The following NOS3 variants were observed in gnomAD, a reference collection of about 807,000 sequenced individuals.
NOS3 encodes nitric oxide synthase 3.
In NOS3, 98 loss-of-function variants were observed where a neutral mutation model predicts 144.9. The observed-to-expected ratio is 0.68, with a 90% CI of 0.57 to 0.80. The LOEUF is 0.80. Ranked by LOEUF, NOS3 falls within the 30% of genes least tolerant of loss-of-function variation. The pLI, the probability that NOS3 is intolerant of heterozygous loss-of-function variation, is 0.00. For missense variants in NOS3, 1,465 were observed against 1,656.4 expected, an observed-to-expected ratio of 0.88 and a Z score of 2.01; for synonymous variants, 714 against 702.4, an observed-to-expected ratio of 1.02 and a Z score of -0.26.
rs145823011 is a variant in NOS3 at position 151,014,104 on chromosome 7, C to A, written c.3547C>A (p.Arg1183Ser). The change falls in exon 27 of 27, where the codon CGT (arginine) becomes AGT (serine). Residue 1183 changes from arginine (R) to serine (S), a missense_variant. Transcript: ENST00000297494. Reference protein sequence around the residue: ...IRTQSFSLQERQLRGAVPWAF... With the variant: ...IRTQSFSLQESQLRGAVPWAF... ...CACCCAGAGCTTTTCCTTGCAGGAG[C>A]GTCAGTTGCGGGGCGCAGTGCCCTG... 1.2e-6 allele frequency: 2 copies of A among 1,613,642 alleles called. No individual in the cohort carries two copies. The highest frequency in any genetic ancestry group is 1.1e-5 in the South Asian group (1 of 91,072).
rs901650506 is a variant in NOS3, at chr7:151,002,200, G to T, written c.1648G>T (p.Val550Phe). The change falls in exon 14 of 27, where the codon GTC becomes TTC. Residue 550 changes from valine to phenylalanine, a missense_variant and splice_region_variant. By Grantham distance (50) the Val-to-Phe change is conservative. Transcript: ENST00000297494. This position sits in a 1 kb window ranked among gnomAD's most constrained non-coding sequence, Gnocchi z 4.1. ...RLFRKAFDPR[V>F]LCMDEYDVVS... Reference sequence around the variant, plus strand: ...AGGACATCTGTCTTCCCACCCACAGGTCCTGTGTATGGATGAGTATGACGT... The same window carrying T: ...AGGACATCTGTCTTCCCACCCACAGTTCCTGTGTATGGATGAGTATGACGT... The T allele has an allele frequency of 3.8e-6, 6 of 1,587,468 alleles. No individual in the cohort carries two copies. In the Admixed American group the frequency reaches 7.1e-5, roughly 19 times the overall value.
Position 150,998,709 on chromosome 7 carries a change from G to T in NOS3, c.816+29G>T. On this transcript the variant is annotated intron_variant, in intron 7 of 26. Transcript: ENST00000297494. The surrounding 1 kb of genome is among the most constrained non-coding windows in gnomAD (Gnocchi z 5.0). ...GGCACCGAGGGCCACCCATGAGGGTGTCCCCAAGGTGGAGAATGAGGAAAC... is the reference window on the plus strand; with the variant it reads ...GGCACCGAGGGCCACCCATGAGGGTTTCCCCAAGGTGGAGAATGAGGAAAC... The T allele has an allele frequency of 6.3e-7, 1 of 1,586,448 alleles. No homozygotes were observed.
At chr7:151,000,337 G>A (rs965283705) in intron 9 of NOS3, among the ~76,000 whole-genome samples, 161 bp from the exon 10 acceptor site, 6 of 152,030 alleles carry the variant, frequency 3.9e-5, no homozygotes, top group South Asian at 2.1e-4. Flanking sequence ...AGGTGCCTTC[G>A]CAGGCAAAAA....
intron 24 of NOS3, 139 bp from the exon 25 acceptor site, chr7:151,013,092 T>TA: frequency 1.1e-6 from 1 of 909,718 alleles, no homozygotes; most frequent in South Asian, 1.6e-5. Flanking sequence ...TACACTCTCT[T>TA]AGAGATGAAA....
intron 23 of NOS3, 113 bp downstream of exon 23, chr7:151,011,099 T>C (rs1563232143): frequency 2.8e-6 from 2 of 718,290 alleles, no homozygotes; most frequent in Non-Finnish European, 4.9e-6. Context: ...CTCTGTAACA[T>C]GTCAAGGGTG....
Position 150,999,223 on chromosome 7 carries a change from GT to G in NOS3, c.991del (p.Tyr331ThrfsTer28). 1.9e-6 allele frequency: 3 copies of G among 1,611,358 alleles called. No homozygotes were observed. Among genetic ancestry groups the G allele is most frequent in the Non-Finnish European group, 2.5e-6 (3 of 1,179,432 alleles). ...GGTTTGCAGCCCTGGGCCTGCGCTGGTACGCCCTCCCGGCAGTGTCCAACAT... is the reference window on the plus strand; with the variant it reads ...GGTTTGCAGCCCTGGGCCTGCGCTGGACGCCCTCCCGGCAGTGTCCAACAT... ...EWFAALGLRW[Y>X]ALPAVSNMLL... On this transcript the variant is annotated frameshift_variant, in exon 9 of 27. Coordinates refer to ENST00000297494, the MANE Select transcript of NOS3 (RefSeq NM_000603.5). LOFTEE classifies it high-confidence loss of function.
In NOS3 at chr7:151,002,420, A is replaced by T; in HGVS notation, c.1752+116A>T. 1 of 532,552 alleles carries T rather than the reference A, an allele frequency of 1.9e-6. No individual in the cohort carries two copies. Among genetic ancestry groups the T allele is most frequent in the Non-Finnish European group, 3.4e-6 (1 of 294,834 alleles). 33.0% of individuals were successfully genotyped at this position (532,552 alleles called of 1,614,324 possible). On this transcript the variant is annotated intron_variant, in intron 14 of 26. Transcript: ENST00000297494. This position sits in a 1 kb window ranked among gnomAD's most constrained non-coding sequence, Gnocchi z 4.1. ...CACACACACACACACACACACACAC[A>T]CACACACACACACACACACACACAC...
Position 151,013,862 on chromosome 7 carries a change from GC to G in NOS3, c.3395del (p.Ala1132GlyfsTer38). 1 of 1,602,948 alleles carries G rather than the reference GC, an allele frequency of 6.2e-7. No individual in the cohort carries two copies. The highest frequency in any genetic ancestry group is 8.5e-7 in the Non-Finnish European group (1 of 1,175,312). On this transcript the variant is annotated frameshift_variant, in exon 26 of 27. Coordinates refer to ENST00000297494, the MANE Select transcript of NOS3 (RefSeq NM_000603.5). LOFTEE classifies it high-confidence loss of function. ...NVLQTVQRIL[A>X]TEGDMELDEA... ...CCTGCAGACCGTGCAGCGCATCCTG[GC>G]GACGGAGGGCGACATGGAGCTGGAC...
chr7:151,012,208 G>GTTGTTTT, intron 23 of NOS3, 143 bp from the exon 24 acceptor site: 3 of 658,374 alleles, frequency 4.6e-6, no homozygotes, highest in South Asian at 2.4e-5. Flanking sequence ...AGCAAGTAGA[G>GTTGTTTT]TTGTTTTTTG....
rs1257489292 is a variant in NOS3, at chr7:151,009,023, C to T, written c.2206C>T (p.Arg736Trp). The stretch of plus-strand genomic sequence containing the variant: ...ACGGAGCTGGAAGCGCCAGAGGTAC[C>T]GGCTGAGCGCCCAGGCCGAGGGCCT... ...PKRSWKRQRY[R>W]LSAQAEGLQL... Residue 736 changes from arginine (R) to tryptophan (W), a missense_variant, in exon 18 of 27, where the codon CGG (arginine) becomes TGG (tryptophan). Physicochemically the swap from Arg to Trp is moderately radical, Grantham distance 101. Around this residue, in one of 5 missense-constraint regions of NOS3, gnomAD observed 745 missense variants for 853.9 expected, o/e 0.87. Transcript: ENST00000297494. The T allele has an allele frequency of 1.2e-6, 2 of 1,612,338 alleles. No homozygotes were observed. The highest frequency in any genetic ancestry group is 1.1e-5 in the South Asian group (1 of 90,880).
At chr7:151,007,410 A>G (rs1795222897) in intron 17 of NOS3, 134 bp downstream of exon 17, 1 of 1,025,718 alleles carries the variant, frequency 9.7e-7, no homozygotes, top group South Asian at 1.7e-5. Context: ...TCTCCATGGC[A>G]TAGCCAGCTC....
At chr7:151,001,115 G>A (rs1337532198) in intron 10 of NOS3, 116 bp from the exon 11 acceptor site, 1 of 981,330 alleles carries the variant, frequency 1.0e-6, no homozygotes, top group Non-Finnish European at 1.6e-6. Context: ...CACAGGGTGT[G>A]TTAGATATGG....
At chr7:151,007,317 G>T in intron 17 of NOS3, 41 bp downstream of exon 17, 2 of 1,546,908 alleles carry the variant, frequency 1.3e-6, no homozygotes, top group Middle Eastern at 1.9e-4. Flanking sequence ...CTGCCCCCTG[G>T]GATGCCTCCT....
At chr7:151,009,840 C>T (rs1795267388) in intron 20 of NOS3, among the ~76,000 whole-genome samples, 1 of 152,226 alleles carries the variant, frequency 6.6e-6, no homozygotes, top group Non-Finnish European at 1.5e-5. Flanking sequence ...GCTCCCCTAG[C>T]AATCTAGCTT....
intron 25 of NOS3, 28 bp downstream of exon 25, chr7:151,013,407 A>T: frequency 6.3e-7 from 1 of 1,596,916 alleles, no homozygotes. Flanking sequence ...CGCAATGGTA[A>T]CCTGAAGATA....
intron 15 of NOS3, 135 bp downstream of exon 15, chr7:151,006,629 T>G (rs1270277750): frequency 1.3e-6 from 1 of 786,800 alleles, no homozygotes; most frequent in Non-Finnish European, 2.1e-6. Flanking sequence ...CAGGATGCCC[T>G]CCATTCCAGG....
Position 151,001,314 on chromosome 7 carries a change from G to A in NOS3, c.1317G>A (p.Gly439=). 3 of 1,613,738 alleles carry A rather than the reference G, an allele frequency of 1.9e-6. No homozygotes were observed. Among genetic ancestry groups the A allele is most frequent in the Non-Finnish European group, 2.5e-6 (3 of 1,179,922 alleles). The change falls in exon 11 of 27, where the codon GGG becomes GGA. Residue 439 remains glycine, a synonymous_variant. Transcript: ENST00000297494. ...TGGAGAATGAGCAGAAGGCCAGGGGGGGCTGCCCTGCAGACTGGGCCTGGA... is the reference window on the plus strand; with the variant it reads ...TGGAGAATGAGCAGAAGGCCAGGGGAGGCTGCCCTGCAGACTGGGCCTGGA... ...KHLENEQKAR[G]GCPADWAWIV...
In NOS3 at chr7:151,013,052, G is replaced by A. The variant is rs1795341384; in HGVS notation, c.3107-179G>A. ...GCGCTTCCCTTCCCTCTGTAAATCAGGGCTGTGCAGGGTCTCTGTGAAAGC... is the reference window on the plus strand; with the variant it reads ...GCGCTTCCCTTCCCTCTGTAAATCAAGGCTGTGCAGGGTCTCTGTGAAAGC... On this transcript the variant is annotated intron_variant, in intron 24 of 26. Transcript: ENST00000297494. The A allele has an allele frequency of 7.6e-6, 5 of 660,484 alleles. No homozygotes were observed. The South Asian group carries it at 1.0e-4, about 13-fold the overall frequency. The allele number at this position is 660,484 out of a possible 1,614,324, so 40.9% of individuals were successfully genotyped here.
At chr7:151,005,442 A>G (rs1795192855) in intron 14 of NOS3, among the ~76,000 whole-genome samples, 1 of 152,092 alleles carries the variant, frequency 6.6e-6, no homozygotes, top group Admixed American at 6.5e-5. Context: ...GAGGAGGGCA[A>G]CCTGCACAAT....
Sources: gnomAD v4.1 joint callset for allele counts (sites outside exome capture counted in the v4.1 genomes callset) on GRCh38, gnomAD v4.1.1 for gene constraint, gnomAD v4.1.1 regional missense constraint, Gnocchi (gnomAD v3.1) non-coding constraint, MANE v1.5 for transcripts, NCBI Gene and HGNC (gene_info 2026-07-23, HGNC 2026-07-21) for gene names.